The following APOBEC1 variants were observed in gnomAD, a reference collection of about 807,000 sequenced individuals.
APOBEC1 encodes apolipoprotein B mRNA editing enzyme catalytic subunit 1.
Under a neutral mutation model 26.3 loss-of-function variants are expected in APOBEC1, and 22 were observed. The observed-to-expected ratio is 0.84, with a 90% CI of 0.60 to 1.19. The LOEUF (loss-of-function observed/expected upper bound fraction) is 1.19, where lower values mean the gene tolerates loss of function less well. Ranked by LOEUF, APOBEC1 falls within the 50% of genes most tolerant of loss-of-function variation. APOBEC1 has a pLI of 0.00. For missense variants in APOBEC1, 253 were observed against 289.0 expected, an observed-to-expected ratio of 0.88 and a Z score of 0.90; for synonymous variants, 77 against 95.3, an observed-to-expected ratio of 0.81 and a Z score of 1.12.
chr12:7,659,322 A>AAAAAAAATATAT (rs1555094633), intron 1 of APOBEC1, among the ~76,000 whole-genome samples: 10 of 46,270 alleles, frequency 2.2e-4, no homozygotes, highest in South Asian at 1.1e-3. Flanking sequence ...AAAAAAAAAA[A>AAAAAAAATATAT]ATATATATAT....
intron 1 of APOBEC1, among the ~76,000 whole-genome samples, chr12:7,663,917 C>G (rs1010187395): frequency 3.3e-5 from 5 of 151,820 alleles, no homozygotes; most frequent in African/African-American, 1.2e-4. Context: ...AGTGCAATGG[C>G]GCGATCTCGG....
chr12:7,662,530 C>A (rs1863834424), intron 1 of APOBEC1, among the ~76,000 whole-genome samples: 1 of 150,806 alleles, frequency 6.6e-6, no homozygotes, highest in Non-Finnish European at 1.5e-5. Context: ...TTACAGTAAG[C>A]CAAGATCACA....
At chr12:7,663,877 A>G (rs943130445) in intron 1 of APOBEC1, among the ~76,000 whole-genome samples, 1 of 150,354 alleles carries the variant, frequency 6.7e-6, no homozygotes, top group African/African-American at 2.5e-5. Flanking sequence ...TTTTCCCGAG[A>G]TGGAGTTTTG....
chr12:7,657,883 G>A (rs1268018749), intron 1 of APOBEC1, among the ~76,000 whole-genome samples: 5 of 151,722 alleles, frequency 3.3e-5, no homozygotes, highest in African/African-American at 1.2e-4. Context: ...CTCAAAAAAA[G>A]ATAATAATAA....
chr12:7,665,025 T>A (rs2136859009), intron 1 of APOBEC1, among the ~76,000 whole-genome samples: 1 of 152,194 alleles, frequency 6.6e-6, no homozygotes, highest in East Asian at 1.9e-4. Flanking sequence ...GGCGAAGTAG[T>A]GAACCCACCC....
chr12:7,655,645 G>T (rs933220254), intron 1 of APOBEC1, among the ~76,000 whole-genome samples: 2 of 152,194 alleles, frequency 1.3e-5, no homozygotes, highest in Non-Finnish European at 2.9e-5. Context: ...CATGGTGGTG[G>T]AGTAGTTTGG....
At chr12:7,668,443 C>T (rs754185925), upstream of APOBEC1, among the ~76,000 whole-genome samples, 2 of 152,236 alleles carry the variant, frequency 1.3e-5, no homozygotes, top group African/African-American at 4.8e-5. Context: ...CATGCAGCAG[C>T]CAAGAGGGTG....
chr12:7,651,631 A>C (rs1368652391), intron 3 of APOBEC1, among the ~76,000 whole-genome samples: 1 of 134,500 alleles, frequency 7.4e-6, no homozygotes, highest in African/African-American at 2.7e-5. Context: ...AAAAAAAAAG[A>C]GTTGTTGTTT....
chr12:7,649,599 G>C lies in APOBEC1; in HGVS notation c.659C>G (p.Pro220Arg), dbSNP rs761788369. 3 of 1,613,994 alleles carry C rather than the reference G, an allele frequency of 1.9e-6. No individual in the cohort carries two copies. The highest frequency in any genetic ancestry group is 1.7e-5 in the Admixed American group (1 of 59,988). The change falls in exon 5 of 5, where the codon CCA becomes CGA. Residue 220 changes from proline to arginine, a missense_variant. By Grantham distance (103) the Pro-to-Arg change is moderately radical (BLOSUM62 -2). Coordinates refer to ENST00000229304, the MANE Select transcript of APOBEC1 (RefSeq NM_001644.5). ...LQNCHYQTIP[P>R]HILLATGLIH... Reference sequence around the variant, plus strand: ...CAGCCCTGTAGCTAAAAGGATGTGTGGCGGAATCGTTTGGTAATGGCAGTT... The same window carrying C: ...CAGCCCTGTAGCTAAAAGGATGTGTCGCGGAATCGTTTGGTAATGGCAGTT...
intron 1 of APOBEC1, among the ~76,000 whole-genome samples, chr12:7,655,233 C>T (rs762163242): frequency 9.4e-5 from 14 of 148,466 alleles, no homozygotes; most frequent in African/African-American, 2.5e-4. Flanking sequence ...AAAATAGGCC[C>T]GGTGTGGTGG....
chr12:7,649,695 C>A lies in APOBEC1; in HGVS notation c.563G>T (p.Ser188Ile). ...YALELHCIIL[S>I]LPPCLKISRR... is the part of the protein sequence containing the mutation. ...TGAAATCTTTAAACAGGGTGGAAGA[C>A]TCTGGAATAAAAAAGGATTATATTT... Residue 188 changes from serine to isoleucine, a missense_variant and splice_region_variant, in exon 5 of 5, where the codon AGT becomes ATT. By Grantham distance (142) the Ser-to-Ile change is moderately radical. Coordinates refer to ENST00000229304, the MANE Select transcript of APOBEC1 (RefSeq NM_001644.5). The A allele has an allele frequency of 6.2e-7, 1 of 1,605,130 alleles. No individual in the cohort carries two copies. The highest frequency in any genetic ancestry group is 1.7e-5 in the Admixed American group (1 of 59,772).
chr12:7,654,302 A>G (rs1274715441), intron 2 of APOBEC1, among the ~76,000 whole-genome samples: 1 of 151,944 alleles, frequency 6.6e-6, no homozygotes, highest in Non-Finnish European at 1.5e-5. Flanking sequence ...TGGAAAAGGC[A>G]AAAATGAAAG....
At position 7,660,403 on chromosome 12, in the gene APOBEC1, A is replaced by AGAAC. The variant is rs1565442487; in HGVS notation, c.16+5453_16+5454insGTTC. Reference sequence around the variant, plus strand: ...AAGAAAGAAAGAAAGAAAGAAAGAAAGAAAGAAAGAGAGGGTATTTGGGCC... The same window carrying AGAAC: ...AAGAAAGAAAGAAAGAAAGAAAGAAAGAACGAAAGAAAGAGAGGGTATTTGGGCC... On this transcript the variant is annotated intron_variant, in intron 1 of 4. Transcript: ENST00000229304. Among the ~76,000 whole-genome samples the AGAAC allele has an allele frequency of 3.4e-5, 4 of 118,474 alleles. 1 individual carries two copies. The highest frequency in any genetic ancestry group is 1.3e-4 in the African/African-American group (4 of 31,126). 77.7% of individuals were successfully genotyped at this position (118,474 alleles called of 152,430 possible).
At chr12:7,653,940 T>A (rs1182962782) in intron 2 of APOBEC1, among the ~76,000 whole-genome samples, 1 of 152,212 alleles carries the variant, frequency 6.6e-6, no homozygotes, top group Non-Finnish European at 1.5e-5. Context: ...CTTTGCAATA[T>A]GGTTAAGTCA....
At chr12:7,659,719 C>T (rs182122446) in intron 1 of APOBEC1, among the ~76,000 whole-genome samples, 10 of 152,316 alleles carry the variant, frequency 6.6e-5, no homozygotes, top group Admixed American at 5.9e-4. Context: ...CCTGTAATCC[C>T]AGCACTTTGG....
chr12:7,664,440 A>G (rs61937013), intron 1 of APOBEC1, among the ~76,000 whole-genome samples: 2 of 152,228 alleles, frequency 1.3e-5, no homozygotes, highest in Admixed American at 1.3e-4. Context: ...GAAGTCCTCT[A>G]TAGTATAATA....
chr12:7,663,890 C>G lies in APOBEC1; in HGVS notation c.16+1967G>C, dbSNP rs189647951. 1.8e-3 allele frequency among the ~76,000 whole-genome samples: 279 copies of G among 151,210 alleles called. 2 individuals are homozygous for G. Among genetic ancestry groups the G allele is most frequent in the African/African-American group, 6.4e-3 (265 of 41,166 alleles). ...TTTTTTCCCGAGATGGAGTTTTGCT[C>G]TTGTTGCCCAGGCTGGAGTGCAATG... is the stretch of plus-strand genomic sequence containing the variant. On this transcript the variant is annotated intron_variant, in intron 1 of 4. Transcript: ENST00000229304.
rs1418020914 is a variant in APOBEC1 at position 7,651,171 on chromosome 12, A to T, written c.443-30T>A. The T allele has an allele frequency of 2.7e-6, 4 of 1,473,178 alleles. No individual in the cohort carries two copies. In the African/African-American group the frequency reaches 4.2e-5, roughly 15 times the overall value. 91.3% of individuals were successfully genotyped at this position (1,473,178 alleles called of 1,614,324 possible). A position where few individuals can be genotyped will look rare whatever the true frequency, so the allele number is the denominator to read the frequency against. Reference sequence around the variant, plus strand: ...GGAAACACAAATCTTGGCTCATTCAACAAGCACAATGGTAAATTACTTAAG... The same window carrying T: ...GGAAACACAAATCTTGGCTCATTCATCAAGCACAATGGTAAATTACTTAAG... On this transcript the variant is annotated intron_variant, in intron 3 of 4. Transcript: ENST00000229304.
At chr12:7,667,922 G>GA (rs56061810), upstream of APOBEC1, among the ~76,000 whole-genome samples, 108,577 of 137,688 alleles carry the variant, frequency 0.79, 43,505 homozygotes, top group Middle Eastern at 0.89. Context: ...AAAAAAAAAA[G>GA]AAAAAAAAAA....
Sources: gnomAD v4.1 joint callset for allele counts (sites outside exome capture counted in the v4.1 genomes callset) on GRCh38, gnomAD v4.1.1 for gene constraint, MANE v1.5 for transcripts, NCBI Gene and HGNC (gene_info 2026-07-23, HGNC 2026-07-21) for gene names.